CLEC3B: variants seen among roughly 807,000 people sequenced by gnomAD.
The protein encoded by CLEC3B is C-type lectin domain family 3 member B.
A neutral mutation model predicts 15.4 loss-of-function variants in CLEC3B; 13 were observed. The observed-to-expected ratio is 0.84, with a 90% CI of 0.55 to 1.34. CLEC3B has a LOEUF of 1.34. Among genes scored for constraint, CLEC3B ranks in the 40% most tolerant of loss-of-function variants. CLEC3B has a pLI of 0.00. For missense variants in CLEC3B, 242 were observed against 268.6 expected, an observed-to-expected ratio of 0.90 and a Z score of 0.69; for synonymous variants, 112 against 114.7, an observed-to-expected ratio of 0.98 and a Z score of 0.15.
At position 45,030,882 on chromosome 3, in the gene CLEC3B, C is replaced by G. The variant is rs758374273; in HGVS notation, c.165C>G (p.Ala55=). 13 of 1,594,158 alleles carry G rather than the reference C, an allele frequency of 8.2e-6. No individual in the cohort carries two copies. Among genetic ancestry groups the G allele is most frequent in the Non-Finnish European group, 9.4e-6 (11 of 1,170,384 alleles). ...TCAAGAGCCGTCTGGACACCCTGGCCCAGGAGGTGGCCCTGCTGAAGGAGC... is the reference window on the plus strand; with the variant it reads ...TCAAGAGCCGTCTGGACACCCTGGCGCAGGAGGTGGCCCTGCTGAAGGAGC... ...EELKSRLDTL[A]QEVALLKEQQ... is the part of the protein sequence containing the mutation. Residue 55 remains alanine, a synonymous_variant, in exon 2 of 3, where the codon GCC becomes GCG. Transcript: ENST00000296130.
intron 1 of CLEC3B, 27 bp downstream of exon 1, chr3:45,026,498 C>T: frequency 6.3e-7 from 1 of 1,594,052 alleles, no homozygotes; most frequent in Non-Finnish European, 8.6e-7. Flanking sequence ...AGCCCTGTGC[C>T]ATCTTCCAGG....
intron 2 of CLEC3B, among the ~76,000 whole-genome samples, chr3:45,031,273 C>A (rs183475010): frequency 6.6e-6 from 1 of 152,336 alleles, no homozygotes; most frequent in Non-Finnish European, 1.5e-5. Context: ...GGTAGTGGCC[C>A]ACCCTAGCAA....
intron 2 of CLEC3B, among the ~76,000 whole-genome samples, chr3:45,033,684 T>G (rs973145990): frequency 6.6e-6 from 1 of 151,682 alleles, no homozygotes. Flanking sequence ...GGAGCAGAGG[T>G]GTGGAGGACT....
chr3:45,026,413 C>T lies in CLEC3B; in HGVS notation c.51C>T (p.Thr17=), dbSNP rs772459032. 1.2e-5 allele frequency: 19 copies of T among 1,613,976 alleles called. No homozygotes were observed. In the South Asian group the frequency reaches 2.0e-4, roughly 17 times the overall value. Residue 17 remains threonine (T), a synonymous_variant, in exon 1 of 3, where the codon ACC becomes ACT. Coordinates refer to ENST00000296130, the MANE Select transcript of CLEC3B (RefSeq NM_003278.3). The part of the protein sequence containing the change: ...YLLLCLFSLL[T]QVTTEPPTQK... ...TCCTCTGCCTCTTCTCCCTCCTGAC[C>T]CAGGTCACCACCGAGCCACCAACCC...
chr3:45,034,150 C>T (rs773537109), intron 2 of CLEC3B, among the ~76,000 whole-genome samples: 2 of 152,162 alleles, frequency 1.3e-5, no homozygotes, highest in Non-Finnish European at 2.9e-5. Context: ...GACTTTCTTC[C>T]TGCAGCATTC....
At chr3:45,033,578 G>A (rs567612234) in intron 2 of CLEC3B, among the ~76,000 whole-genome samples, 2 of 152,002 alleles carry the variant, frequency 1.3e-5, no homozygotes, top group Admixed American at 1.3e-4. Flanking sequence ...TGCTCCCTGG[G>A]AACCTCAATA....
chr3:45,028,689 G>A (rs1040338390), intron 1 of CLEC3B, among the ~76,000 whole-genome samples: 4 of 152,130 alleles, frequency 2.6e-5, no homozygotes. Context: ...GGATTCCTAG[G>A]AGCAGCCAGG....
chr3:45,028,024 G>GC (rs1576041443), intron 1 of CLEC3B, among the ~76,000 whole-genome samples: 1 of 115,026 alleles, frequency 8.7e-6, no homozygotes, highest in South Asian at 4.0e-4. Context: ...CCATAGAAGG[G>GC]GCCCCTGGAG....
intron 2 of CLEC3B, among the ~76,000 whole-genome samples, chr3:45,033,873 C>A (rs754949609): frequency 6.6e-6 from 1 of 152,166 alleles, no homozygotes; most frequent in Admixed American, 6.5e-5. Context: ...TCAGGAGATA[C>A]CCTCAGGATC....
chr3:45,033,495 A>G (rs984270445), intron 2 of CLEC3B, among the ~76,000 whole-genome samples: 5 of 152,096 alleles, frequency 3.3e-5, no homozygotes, highest in Non-Finnish European at 5.9e-5. Flanking sequence ...TCCAACCAGC[A>G]TACACATGGG....
In CLEC3B at chr3:45,026,386, C is replaced by A. The variant is rs572305560; in HGVS notation, c.24C>A (p.Leu8=). 6.2e-7 allele frequency: 1 copy of A among 1,614,112 alleles called. No individual in the cohort carries two copies. Among genetic ancestry groups the A allele is most frequent in the African/African-American group, 1.3e-5 (1 of 75,052 alleles). The change falls in exon 1 of 3, where the codon CTC becomes CTA. Residue 8 remains leucine (L), a synonymous_variant. Transcript: ENST00000296130. MELWGAY[L]LLCLFSLLTQ... is the part of the protein sequence containing the mutation. ...GCATGGAGCTCTGGGGGGCCTACCT[C>A]CTCCTCTGCCTCTTCTCCCTCCTGA...
At chr3:45,026,702 A>G (rs1254597201) in intron 1 of CLEC3B, among the ~76,000 whole-genome samples, 1 of 152,146 alleles carries the variant, frequency 6.6e-6, no homozygotes, top group African/African-American at 2.4e-5. Context: ...ATCCAAACTG[A>G]TCTTTGCTCT....
In CLEC3B at chr3:45,035,946, G is replaced by A. The variant is rs776583621; in HGVS notation, c.*22G>A. The A allele has an allele frequency of 2.7e-5, 42 of 1,555,998 alleles. No homozygotes were observed. Among genetic ancestry groups the A allele is most frequent in the Non-Finnish European group, 3.6e-5 (41 of 1,151,706 alleles). On this transcript the variant is annotated 3_prime_UTR_variant, in exon 3 of 3. Coordinates refer to ENST00000296130, the MANE Select transcript of CLEC3B (RefSeq NM_003278.3). ...GTAGCCGGCGGGGCGGGGGCCGTGGGGGGCCTGGAGGAGGGCAGGGGCCGC... is the reference window on the plus strand; with the variant it reads ...GTAGCCGGCGGGGCGGGGGCCGTGGAGGGCCTGGAGGAGGGCAGGGGCCGC...
chr3:45,029,210 A>T (rs1378552639), intron 1 of CLEC3B, among the ~76,000 whole-genome samples: 1 of 152,254 alleles, frequency 6.6e-6, no homozygotes, highest in Non-Finnish European at 1.5e-5. Context: ...AACTTTGCAC[A>T]TATGGGCACC....
intron 1 of CLEC3B, among the ~76,000 whole-genome samples, chr3:45,029,096 G>T (rs547485010): frequency 6.6e-6 from 1 of 152,334 alleles, no homozygotes; most frequent in East Asian, 1.9e-4. Context: ...CCAGCACAAA[G>T]GCCTCCTGAC....
At chr3:45,035,076 G>A (rs375309122) in intron 2 of CLEC3B, among the ~76,000 whole-genome samples, 33 of 152,354 alleles carry the variant, frequency 2.2e-4, no homozygotes, top group African/African-American at 7.5e-4. Context: ...TAATTTGTTA[G>A]GGTGAGCCCT....
At chr3:45,033,666 G>A (rs554511017) in intron 2 of CLEC3B, among the ~76,000 whole-genome samples, 1 of 152,266 alleles carries the variant, frequency 6.6e-6, no homozygotes. Context: ...CAAGCAGATG[G>A]CAGGGCAGGA....
In CLEC3B at chr3:45,030,885, G is replaced by C. The variant is rs1265264766; in HGVS notation, c.168G>C (p.Gln56His). Residue 56 changes from glutamine to histidine, a missense_variant, in exon 2 of 3, where the codon CAG becomes CAC. Transcript: ENST00000296130. ...ELKSRLDTLAQEVALLKEQQA... is the reference protein window; with the variant it reads ...ELKSRLDTLAHEVALLKEQQA... ...AGAGCCGTCTGGACACCCTGGCCCA[G>C]GAGGTGGCCCTGCTGAAGGAGCAGC... 4 of 1,593,820 alleles carry C rather than the reference G, an allele frequency of 2.5e-6. No individual in the cohort carries two copies. Among genetic ancestry groups the C allele is most frequent in the Non-Finnish European group, 3.4e-6 (4 of 1,170,096 alleles).
chr3:45,033,850 C>T lies in CLEC3B; in HGVS notation c.209-1674C>T, dbSNP rs572467959. 1.7e-3 allele frequency among the ~76,000 whole-genome samples: 258 copies of T among 152,270 alleles called. 1 individual carries two copies. The highest frequency in any genetic ancestry group is 3.4e-3 in the Middle Eastern group (1 of 294). On this transcript the variant is annotated intron_variant, in intron 2 of 2. Coordinates refer to ENST00000296130, the MANE Select transcript of CLEC3B (RefSeq NM_003278.3). ...AGCAACTCTGAGATGGAGTTTAACC[C>T]ACAGGAGACTTATCAGGAGATACCC...
Sources: gnomAD v4.1 joint callset for allele counts (sites outside exome capture counted in the v4.1 genomes callset) on GRCh38, gnomAD v4.1.1 for gene constraint, MANE v1.5 for transcripts, NCBI Gene and HGNC (gene_info 2026-07-23, HGNC 2026-07-21) for gene names.